The following ROBO2 variants were observed in gnomAD, a reference collection of about 807,000 sequenced individuals.
The protein encoded by ROBO2 is roundabout guidance receptor 2.
In ROBO2, 53 loss-of-function variants were observed where a neutral mutation model predicts 160.8. The ratio of observed to expected loss-of-function variants is 0.33; its 90% CI spans 0.26 to 0.41. ROBO2 has a LOEUF of 0.41. ROBO2 is among the 10% of genes least tolerant of loss of function. The pLI, the probability that ROBO2 is intolerant of heterozygous loss-of-function variation, is 1.00. For missense variants in ROBO2, 1,577 were observed against 1,722.4 expected, an observed-to-expected ratio of 0.92 and a Z score of 1.49; for synonymous variants, 664 against 611.7, an observed-to-expected ratio of 1.09 and a Z score of -1.26.
At chr3:77,493,323 A>G (rs1329850020) in exon 5 of ROBO2, 2 of 1,614,122 alleles carry the variant, frequency 1.2e-6, no homozygotes, top group South Asian at 2.2e-5. Context: ...GTCAAGTCCA[A>G]GGAGATCCTC....
At chr3:76,761,083 C>A (rs1468324671) in intron 2 of ROBO2, among the ~76,000 whole-genome samples, 3 of 151,592 alleles carry the variant, frequency 2.0e-5, no homozygotes, top group Non-Finnish European at 4.4e-5. Flanking sequence ...TGTCTCTAAC[C>A]CTTTTAACAA....
chr3:76,129,621 T>C (rs114306242), intron 2 of ROBO2, among the ~76,000 whole-genome samples: 1,939 of 152,226 alleles, frequency 0.013, 43 homozygotes, highest in African/African-American at 0.044. Flanking sequence ...CACTAAGGCA[T>C]TGTGACTCTT....
chr3:76,374,241 T>A (rs150258912), intron 2 of ROBO2, among the ~76,000 whole-genome samples: 2 of 152,124 alleles, frequency 1.3e-5, no homozygotes, highest in East Asian at 3.9e-4. Flanking sequence ...GCATCCAGAA[T>A]GTCACAAGAG....
At chr3:77,167,359 A>G (rs1414351598) in intron 2 of ROBO2, among the ~76,000 whole-genome samples, 3 of 152,186 alleles carry the variant, frequency 2.0e-5, no homozygotes, top group African/African-American at 4.8e-5. Context: ...TGTAGAAAAT[A>G]TAGTATAAAA....
intron 2 of ROBO2, among the ~76,000 whole-genome samples, chr3:76,268,110 A>G (rs1707206549): frequency 6.6e-6 from 1 of 152,196 alleles, no homozygotes; most frequent in Admixed American, 6.6e-5. Flanking sequence ...ATGTACACAT[A>G]TACACATAAA....
intron 2 of ROBO2, among the ~76,000 whole-genome samples, chr3:76,502,321 T>G (rs927719171): frequency 2.6e-5 from 4 of 152,218 alleles, no homozygotes; most frequent in Non-Finnish European, 5.9e-5. Flanking sequence ...TTGACTGTTA[T>G]GTCACCCAAT....
At chr3:76,397,586 G>C (rs1312437993) in intron 2 of ROBO2, among the ~76,000 whole-genome samples, 3 of 151,772 alleles carry the variant, frequency 2.0e-5, no homozygotes, top group Non-Finnish European at 1.5e-5. Flanking sequence ...CTGACAAAGG[G>C]CTAATATCCA....
At chr3:76,871,325 C>A (rs1181254226) in intron 2 of ROBO2, among the ~76,000 whole-genome samples, 1 of 151,912 alleles carries the variant, frequency 6.6e-6, no homozygotes, top group Non-Finnish European at 1.5e-5. Context: ...GAGGCCGAGG[C>A]AGGCGGATCA....
Position 76,201,504 on chromosome 3 carries a change from A to G in ROBO2, c.109+263902A>G, listed in dbSNP as rs140922106. ...CTGAACAAAAGCAAAGTATGTCACTAATGTGCCATCATTGTTGAACTATGT... is the reference window on the plus strand; with the variant it reads ...CTGAACAAAAGCAAAGTATGTCACTGATGTGCCATCATTGTTGAACTATGT... On this transcript the variant is annotated intron_variant, in intron 2 of 26. Coordinates refer to the ROBO2 transcript ENST00000487694. Among the ~76,000 whole-genome samples the G allele has an allele frequency of 3.2e-3, 488 of 152,272 alleles. 2 individuals carry two copies. Among genetic ancestry groups the G allele is most frequent in the African/African-American group, 0.011 (472 of 41,564 alleles).
chr3:77,238,607 T>G (rs1050787700), intron 2 of ROBO2, among the ~76,000 whole-genome samples: 1 of 152,216 alleles, frequency 6.6e-6, no homozygotes, highest in Non-Finnish European at 1.5e-5. Flanking sequence ...AATATTTGTT[T>G]TAATATAACT....
intron 5 of ROBO2, among the ~76,000 whole-genome samples, chr3:77,520,978 C>T (rs771934998): frequency 1.3e-5 from 2 of 151,208 alleles, no homozygotes; most frequent in Non-Finnish European, 3.0e-5. Flanking sequence ...ATATTGAAGC[C>T]ATTCACAGTT....
chr3:77,421,424 G>T (rs1202599485), intron 2 of ROBO2, among the ~76,000 whole-genome samples: 1 of 151,926 alleles, frequency 6.6e-6, no homozygotes, highest in South Asian at 2.1e-4. Context: ...GTCAATATTG[G>T]TTAACAGAGG....
At chr3:76,734,195 TCTA>T (rs1435921655) in intron 2 of ROBO2, among the ~76,000 whole-genome samples, 3 of 152,314 alleles carry the variant, frequency 2.0e-5, no homozygotes, top group East Asian at 3.9e-4. Context: ...TCTTTAGAAT[TCTA>T]CTAATTTATC....
intron 2 of ROBO2, among the ~76,000 whole-genome samples, chr3:77,129,909 A>C (rs770931216): frequency 3.3e-5 from 5 of 152,096 alleles, no homozygotes; most frequent in Non-Finnish European, 7.3e-5. Flanking sequence ...GCTTGTTGTC[A>C]CTGGTTGTCA....
intron 2 of ROBO2, among the ~76,000 whole-genome samples, chr3:77,166,808 A>C (rs35741128): frequency 0.41 from 61,904 of 152,010 alleles, 13,137 homozygotes; most frequent in Middle Eastern, 0.54. Flanking sequence ...ATCCGCCTGC[A>C]TCGGCCTCCC....
rs35736164 is a variant in ROBO2 at position 76,928,452 on chromosome 3, ATTT to A, written c.110-169547_110-169545del. ...TTTGTGTGCTACTAAGTTTATGATA[ATTT>A]TTTTTTTTTTTTTTGCAGAAGTAAA... On this transcript the variant is annotated intron_variant, in intron 2 of 26. Transcript: ENST00000487694. 8.8e-3 allele frequency among the ~76,000 whole-genome samples: 1,262 copies of A among 142,772 alleles called. 19 individuals are homozygous for A. Among genetic ancestry groups the A allele is most frequent in the African/African-American group, 0.029 (1,121 of 39,146 alleles). The allele number at this position is 142,772 out of a possible 152,430, so 93.7% of individuals were successfully genotyped here.
At chr3:75,964,257 G>T (rs1949027498) in intron 2 of ROBO2, among the ~76,000 whole-genome samples, 1 of 151,682 alleles carries the variant, frequency 6.6e-6, no homozygotes, top group South Asian at 2.1e-4. Flanking sequence ...GCCTGCATTA[G>T]AATATTTTTG....
chr3:77,426,503 A>G (rs1214478294), intron 2 of ROBO2, among the ~76,000 whole-genome samples: 1 of 151,884 alleles, frequency 6.6e-6, no homozygotes, highest in East Asian at 1.9e-4. Flanking sequence ...ATATATAGAT[A>G]ATTGAAGGTA....
At chr3:77,232,024 A>G (rs2087282670) in intron 2 of ROBO2, among the ~76,000 whole-genome samples, 1 of 152,114 alleles carries the variant, frequency 6.6e-6, no homozygotes, top group Non-Finnish European at 1.5e-5. Context: ...TCTTCCTATC[A>G]TCAACTTTGC....
Sources: allele counts gnomAD v4.1 joint callset (sites outside exome capture counted in the v4.1 genomes callset), GRCh38; gene constraint gnomAD v4.1.1; transcripts MANE v1.5; gene names NCBI Gene and HGNC (gene_info 2026-07-23, HGNC 2026-07-21).